Variants in PLCB3 observed in about 807,000 individuals in gnomAD.
PLCB3 encodes the protein 1-phosphatidylinositol 4,5-bisphosphate phosphodiesterase beta-3.
PLCB3 carries 54 observed loss-of-function variants against 152.1 expected under a neutral mutation model. That is an observed-to-expected ratio of 0.36 (90% CI 0.29 to 0.45). The LOEUF is 0.45. Among genes scored for constraint, PLCB3 ranks in the 20% least tolerant of loss-of-function variants. The pLI, the probability that PLCB3 is intolerant of heterozygous loss-of-function variation, is 1.00. For synonymous variants in PLCB3, 717 were observed against 698.7 expected (o/e 1.03, Z -0.41); for missense variants, 1,248 against 1,687.5 (o/e 0.74, Z 4.56).
chr11:64,255,433 C>T lies in PLCB3; in HGVS notation c.505C>T (p.Arg169Trp), dbSNP rs138400940. ...GAAGCTGCAGGTGAACCAGGATGGT[C>T]GGATCCCCGTCAAGAAGTGAGCACC... Reference protein sequence around the residue: ...KLKLQVNQDGRIPVKNILKMF... With the variant: ...KLKLQVNQDGWIPVKNILKMF... Residue 169 changes from arginine to tryptophan, a missense_variant, in exon 6 of 31, where the codon CGG becomes TGG. Arg to Trp is a moderately radical substitution (Grantham distance 101). Around this residue, in one of 6 missense-constraint regions of PLCB3, gnomAD observed 299 missense variants for 434.7 expected, o/e 0.69. Coordinates refer to ENST00000279230, the MANE Select transcript of PLCB3 (RefSeq NM_000932.5). This position sits in a 1 kb window ranked among gnomAD's most constrained non-coding sequence, Gnocchi z 6.8. 159 of 1,614,146 alleles carry T rather than the reference C, an allele frequency of 9.9e-5. No homozygotes were observed. The African/African-American group carries it at 1.8e-3, about 18-fold the overall frequency.
At chr11:64,259,350 C>T (rs539496225) in intron 13 of PLCB3, 106 bp downstream of exon 13, 27 of 960,674 alleles carry the variant, frequency 2.8e-5, no homozygotes, top group African/African-American at 6.6e-5. Flanking sequence ...CCTCCTGCCT[C>T]GCTGTGCGCC....
rs1355621620 is a variant in PLCB3 at position 64,264,093 on chromosome 11, C to T, written c.2633C>T (p.Ala878Val). ...LMDQRARQLAALIGESEAQAG... is the reference protein window; with the variant it reads ...LMDQRARQLAVLIGESEAQAG... Reference sequence around the variant, plus strand: ...GACCAGAGGGCCCGGCAGCTGGCCGCCCTCATTGGGGAGAGTGAGGTGAGC... The same window carrying T: ...GACCAGAGGGCCCGGCAGCTGGCCGTCCTCATTGGGGAGAGTGAGGTGAGC... The change falls in exon 22 of 31, where the codon GCC becomes GTC. Residue 878 changes from alanine (A) to valine (V), a missense_variant. By Grantham distance (64) the Ala-to-Val change is moderately conservative (BLOSUM62 0). Coordinates refer to ENST00000279230, the MANE Select transcript of PLCB3 (RefSeq NM_000932.5). 1 of 1,546,940 alleles carries T rather than the reference C, an allele frequency of 6.5e-7. No individual in the cohort carries two copies. Among genetic ancestry groups the T allele is most frequent in the East Asian group, 2.3e-5 (1 of 44,230 alleles).
rs780611720 is a variant in PLCB3, at chr11:64,255,794, C to A, written c.671C>A (p.Pro224Gln). ...ERFLNKLCLR[P>Q]DIDKILLEIG... ...TTCCTGAACAAGCTGTGTCTGCGGC[C>A]GGACATTGACAAGATCCTGCTGGAG... The change falls in exon 8 of 31, where the codon CCG becomes CAG. Residue 224 changes from proline (P) to glutamine (Q), a missense_variant. Transcript: ENST00000279230. This position sits in a 1 kb window ranked among gnomAD's most constrained non-coding sequence, Gnocchi z 6.8. 2 of 1,613,794 alleles carry A rather than the reference C, an allele frequency of 1.2e-6. No individual in the cohort carries two copies. The highest frequency in any genetic ancestry group is 1.7e-6 in the Non-Finnish European group (2 of 1,179,736).
chr11:64,256,292 A>G, intron 8 of PLCB3, 84 bp from the exon 9 acceptor site: 1 of 1,303,786 alleles, frequency 7.7e-7, no homozygotes, highest in Non-Finnish European at 1.1e-6. Flanking sequence ...AGGCCTTCTG[A>G]CTCCCTTGCC....
chr11:64,266,489 G>T lies in PLCB3; in HGVS notation c.3357-6G>T. 6.2e-7 allele frequency: 1 copy of T among 1,613,634 alleles called. No individual in the cohort carries two copies. Among genetic ancestry groups the T allele is most frequent in the South Asian group, 1.1e-5 (1 of 91,070 alleles). On this transcript the variant is annotated splice_region_variant and splice_polypyrimidine_tract_variant and intron_variant, in intron 28 of 30. Coordinates refer to ENST00000279230, the MANE Select transcript of PLCB3 (RefSeq NM_000932.5). The surrounding 1 kb of genome is among the most constrained non-coding windows in gnomAD (Gnocchi z 4.9). ...CCCCGAGCCATCCTGCGTTGCTCCC[G>T]TGCAGGGAACTGACGGAGATTAACC... is the stretch of plus-strand genomic sequence containing the variant.
At chr11:64,269,154 T>G (rs2032300069), downstream of PLCB3, 2 of 152,502 alleles carry the variant, frequency 1.3e-5, no homozygotes, top group Admixed American at 1.3e-4. Flanking sequence ...CCTAGAAGCC[T>G]GGCCTCTGCT....
At position 64,254,463 on chromosome 11, in the gene PLCB3, T is replaced by G; in HGVS notation, c.148T>G (p.Phe50Val). The change falls in exon 2 of 31, where the codon TTC becomes GTC. Residue 50 changes from phenylalanine to valine, a missense_variant. Phe to Val is a conservative substitution (Grantham distance 50, BLOSUM62 -1). Transcript: ENST00000279230. ...LVTLRVDPNG[F>V]FLYWTGPNME... ...GACCCTGCGTGTGGACCCCAATGGC[T>G]TCTTCTTGTACTGGACGGGCCCCAA... 6.2e-7 allele frequency: 1 copy of G among 1,613,952 alleles called. No homozygotes were observed. The highest frequency in any genetic ancestry group is 8.5e-7 in the Non-Finnish European group (1 of 1,179,982).
chr11:64,251,722 G>T lies in PLCB3; in HGVS notation c.73G>T (p.Gly25Trp), dbSNP rs2031210864. ...PPTVVETLRR[G>W]SKFIKWDEET... ...CACCGTGGTGGAGACCCTGCGGCGC[G>T]GGAGTAAGTTCATCAAATGGGACGA... Residue 25 changes from glycine (G) to tryptophan (W), a missense_variant, in exon 1 of 31, where the codon GGG (glycine) becomes TGG (tryptophan). Transcript: ENST00000279230. The T allele has an allele frequency of 6.8e-7, 1 of 1,481,360 alleles. No individual in the cohort carries two copies. Among genetic ancestry groups the T allele is most frequent in the South Asian group, 1.3e-5 (1 of 77,644 alleles). The allele number at this position is 1,481,360 out of a possible 1,614,324, so 91.8% of individuals were successfully genotyped here. A position where few individuals can be genotyped will look rare whatever the true frequency, so the allele number is the denominator to read the frequency against.
At chr11:64,260,344 T>G (rs1218945601) in intron 14 of PLCB3, 110 bp downstream of exon 14, 6 of 750,230 alleles carry the variant, frequency 8.0e-6, no homozygotes, top group Non-Finnish European at 2.2e-6. Flanking sequence ...TGGGGCTCAG[T>G]GTGGGTGTGA....
At position 64,262,829 on chromosome 11, in the gene PLCB3, C is replaced by T. The variant is rs200551294; in HGVS notation, c.2355+21C>T. The T allele has an allele frequency of 8.8e-5, 142 of 1,608,516 alleles. No individual in the cohort carries two copies. The East Asian group carries it at 1.5e-3, about 17-fold the overall frequency. On this transcript the variant is annotated intron_variant, in intron 19 of 30. Coordinates refer to ENST00000279230, the MANE Select transcript of PLCB3 (RefSeq NM_000932.5). ...CCAAGGTGAGCCTGGCCCCTGCACCCGCCCAGGCACAGGCAGATCCAGCCC... is the reference window on the plus strand; with the variant it reads ...CCAAGGTGAGCCTGGCCCCTGCACCTGCCCAGGCACAGGCAGATCCAGCCC...
At chr11:64,264,844 C>G (rs1300953869) in intron 22 of PLCB3, 107 bp from the exon 23 acceptor site, 1 of 1,036,032 alleles carries the variant, frequency 9.7e-7, no homozygotes, top group African/African-American at 1.6e-5. Context: ...GTGGCTTGGA[C>G]TAAGGGAGGC....
chr11:64,266,581 C>T lies in PLCB3; in HGVS notation c.3414+29C>T. The T allele has an allele frequency of 1.2e-6, 2 of 1,608,452 alleles. No individual in the cohort carries two copies. Among genetic ancestry groups the T allele is most frequent in the Non-Finnish European group, 1.7e-6 (2 of 1,175,204 alleles). ...AGTCAGGCTCCCGGGCCACCCTACC[C>T]CACCTCCCTTCCTTCACTCATCAGA... On this transcript the variant is annotated intron_variant, in intron 29 of 30. Coordinates refer to ENST00000279230, the MANE Select transcript of PLCB3 (RefSeq NM_000932.5). The surrounding 1 kb of genome is among the most constrained non-coding windows in gnomAD (Gnocchi z 4.9).
At chr11:64,265,767 G>T in intron 25 of PLCB3, 119 bp from the exon 26 acceptor site, 1 of 1,374,268 alleles carries the variant, frequency 7.3e-7, no homozygotes, top group South Asian at 1.4e-5. Flanking sequence ...TTGCATAACA[G>T]ACCTGGCCCC....
intron 13 of PLCB3, 22 bp from the exon 14 acceptor site, chr11:64,260,007 C>T (rs2031760211): frequency 6.2e-7 from 1 of 1,602,792 alleles, no homozygotes; most frequent in Non-Finnish European, 8.5e-7. Flanking sequence ...GACCCCTCAC[C>T]CTGTGGCCCT....
Position 64,255,858 on chromosome 11 carries a change from CTG to C in PLCB3, c.698+41_698+42del, listed in dbSNP as rs2031502874. 2 of 1,420,910 alleles carry C rather than the reference CTG, an allele frequency of 1.4e-6. No homozygotes were observed. Among genetic ancestry groups the C allele is most frequent in the Non-Finnish European group, 2.0e-6 (2 of 1,004,062 alleles). The allele number at this position is 1,420,910 out of a possible 1,614,324, so 88.0% of individuals were successfully genotyped here. On this transcript the variant is annotated intron_variant, in intron 8 of 30. Transcript: ENST00000279230. The surrounding 1 kb of genome is among the most constrained non-coding windows in gnomAD (Gnocchi z 6.8). ...CGGCCTGCCTCACAACCCCTGTGCT[CTG>C]TGTTTAGCTTCTGCTTAGCGTGCCT...
Position 64,265,177 on chromosome 11 carries a change from G to T in PLCB3, c.2807-15G>T. ...ACCCTGTCCTCCAGCTCCTCACAGGGCCTCTGCTCCCCAGGGCAGCGTGAT... is the reference window on the plus strand; with the variant it reads ...ACCCTGTCCTCCAGCTCCTCACAGGTCCTCTGCTCCCCAGGGCAGCGTGAT... On this transcript the variant is annotated splice_polypyrimidine_tract_variant and intron_variant, in intron 23 of 30. Transcript: ENST00000279230. The T allele has an allele frequency of 6.3e-7, 1 of 1,589,004 alleles. No homozygotes were observed. Among genetic ancestry groups the T allele is most frequent in the African/African-American group, 1.3e-5 (1 of 74,650 alleles).
At position 64,255,315 on chromosome 11, in the gene PLCB3, TGAGCCCCAGGCCACCC is replaced by T; in HGVS notation, c.467+6_467+21del. The T allele has an allele frequency of 6.2e-7, 1 of 1,613,850 alleles. No homozygotes were observed. ...CCGGAACACCTTCCTGCGCAAAGCG[TGAGCCCCAGGCCACCC>T]GAGGGGGAGCCGGGGGGTTCACGTG... On this transcript the variant is annotated splice_donor_5th_base_variant and intron_variant, in intron 5 of 30. Coordinates refer to ENST00000279230, the MANE Select transcript of PLCB3 (RefSeq NM_000932.5). This position sits in a 1 kb window ranked among gnomAD's most constrained non-coding sequence, Gnocchi z 6.8.
chr11:64,263,236 A>T, intron 19 of PLCB3: 1 of 553,172 alleles, frequency 1.8e-6, no homozygotes, highest in Non-Finnish European at 3.2e-6. Flanking sequence ...ACTGGCAATG[A>T]CCAGAACTGT....
Position 64,256,758 on chromosome 11 carries a change from C to G in PLCB3, c.1006C>G (p.Leu336Val). Reference protein sequence around the residue: ...YFINSSHNTYLTAGQLAGTSS... With the variant: ...YFINSSHNTYVTAGQLAGTSS... ...CATCAACTCCTCGCATAACACCTATCTCACTGGTGAGTGGGGAGCAAGGGT... is the reference window on the plus strand; with the variant it reads ...CATCAACTCCTCGCATAACACCTATGTCACTGGTGAGTGGGGAGCAAGGGT... Residue 336 changes from leucine (L) to valine (V), a missense_variant, in exon 10 of 31, where the codon CTC (leucine) becomes GTC (valine). This residue lies in a region of PLCB3 where 122 missense variants were observed against 221.8 expected (regional missense o/e 0.55). Transcript: ENST00000279230. 1 of 1,614,002 alleles carries G rather than the reference C, an allele frequency of 6.2e-7. No individual in the cohort carries two copies. The highest frequency in any genetic ancestry group is 8.5e-7 in the Non-Finnish European group (1 of 1,179,924).
Sources: gnomAD v4.1 joint callset for allele counts on GRCh38, gnomAD v4.1.1 for gene constraint, gnomAD v4.1.1 regional missense constraint, Gnocchi (gnomAD v3.1) non-coding constraint, MANE v1.5 for transcripts, NCBI Gene and HGNC (gene_info 2026-07-23, HGNC 2026-07-21) for gene names.